The following LDB2 variants were observed in gnomAD, a reference collection of about 807,000 sequenced individuals.
LDB2 encodes the protein LIM domain-binding protein 2.
LDB2 carries 12 observed loss-of-function variants against 44.3 expected under a neutral mutation model. The observed-to-expected ratio is 0.27, with a 90% CI of 0.17 to 0.44. The LOEUF (loss-of-function observed/expected upper bound fraction) is 0.44, where lower values mean the gene tolerates loss of function less well. Among genes scored for constraint, LDB2 ranks in the 20% least tolerant of loss-of-function variants. The pLI is 1.00. For synonymous variants in LDB2, 164 were observed against 174.8 expected, an observed-to-expected ratio of 0.94 and a Z score of 0.49; for missense variants, 344 against 473.5, an observed-to-expected ratio of 0.73 and a Z score of 2.54.
At chr4:16,676,406 T>G (rs1248865053) in intron 2 of LDB2, among the ~76,000 whole-genome samples, 1 of 152,216 alleles carries the variant, frequency 6.6e-6, no homozygotes, top group Non-Finnish European at 1.5e-5. Context: ...CTGTGAAGGC[T>G]CTGAGGTATC....
intron 5 of LDB2, among the ~76,000 whole-genome samples, chr4:16,569,817 G>C (rs2152396659): frequency 6.6e-6 from 1 of 152,282 alleles, no homozygotes; most frequent in South Asian, 2.1e-4. Flanking sequence ...AAAGGGCTTA[G>C]AAGCCATGTT....
intron 2 of LDB2, among the ~76,000 whole-genome samples, chr4:16,731,478 A>T (rs137946489): frequency 4.5e-4 from 69 of 152,294 alleles, no homozygotes; most frequent in Middle Eastern, 6.8e-3. Flanking sequence ...AGGGACCCAG[A>T]CAGCATGCAC....
chr4:16,821,871 G>A (rs548671905), intron 1 of LDB2, among the ~76,000 whole-genome samples: 1 of 150,550 alleles, frequency 6.6e-6, no homozygotes, highest in Non-Finnish European at 1.5e-5. Context: ...AATAATGAAC[G>A]TGAGAGCTGG....
At chr4:16,586,721 T>C (rs1717116554) in intron 4 of LDB2, among the ~76,000 whole-genome samples, 1 of 152,162 alleles carries the variant, frequency 6.6e-6, no homozygotes, top group Non-Finnish European at 1.5e-5. Context: ...ACACCAAATG[T>C]TCTGTTTGGC....
At chr4:16,686,032 A>T (rs539844095) in intron 2 of LDB2, among the ~76,000 whole-genome samples, 5 of 152,298 alleles carry the variant, frequency 3.3e-5, no homozygotes, top group African/African-American at 1.2e-4. Flanking sequence ...AGCATGGGTG[A>T]CAGAGAGAGA....
chr4:16,646,544 C>T (rs566241578), intron 2 of LDB2, among the ~76,000 whole-genome samples: 37 of 152,284 alleles, frequency 2.4e-4, no homozygotes, highest in African/African-American at 8.4e-4. Flanking sequence ...GCACATCTGC[C>T]ATAAGAAGAA....
chr4:16,811,056 G>A (rs1275275350), intron 1 of LDB2, among the ~76,000 whole-genome samples: 1 of 152,178 alleles, frequency 6.6e-6, no homozygotes, highest in Non-Finnish European at 1.5e-5. Flanking sequence ...CCTTGCATGT[G>A]CAGTCCATAA....
intron 1 of LDB2, among the ~76,000 whole-genome samples, chr4:16,778,742 A>T (rs2109428322): frequency 1.3e-5 from 2 of 152,324 alleles, no homozygotes; most frequent in African/African-American, 4.8e-5. Context: ...CATCACAATT[A>T]TTTAAGGGTA....
intron 5 of LDB2, among the ~76,000 whole-genome samples, chr4:16,538,723 A>G (rs568771971): frequency 5.0e-4 from 76 of 152,326 alleles, no homozygotes; most frequent in Non-Finnish European, 9.7e-4. Flanking sequence ...GACTGAGTCA[A>G]TTGATCAGTC....
At chr4:16,676,239 G>A (rs1225715075) in intron 2 of LDB2, among the ~76,000 whole-genome samples, 1 of 152,184 alleles carries the variant, frequency 6.6e-6, no homozygotes, top group East Asian at 1.9e-4. Context: ...AGCCCACTTT[G>A]TCCTGGAGTA....
At chr4:16,575,460 T>C (rs186291200) in intron 5 of LDB2, among the ~76,000 whole-genome samples, 22 of 152,332 alleles carry the variant, frequency 1.4e-4, no homozygotes, top group African/African-American at 4.8e-4. Flanking sequence ...ATGGACCTAA[T>C]AGATATTTAC....
intron 2 of LDB2, among the ~76,000 whole-genome samples, chr4:16,716,807 G>A (rs1051821842): frequency 2.6e-5 from 4 of 151,930 alleles, no homozygotes; most frequent in African/African-American, 9.7e-5. Flanking sequence ...CATGGCACTT[G>A]TCCCATTATA....
chr4:16,779,339 A>G (rs1264472176), intron 1 of LDB2, among the ~76,000 whole-genome samples: 1 of 152,212 alleles, frequency 6.6e-6, no homozygotes, highest in Non-Finnish European at 1.5e-5. Flanking sequence ...AATGTCATCT[A>G]AAACCTTTTA....
intron 2 of LDB2, among the ~76,000 whole-genome samples, chr4:16,676,127 C>T (rs921946171): frequency 3.3e-5 from 5 of 152,158 alleles, no homozygotes; most frequent in African/African-American, 4.8e-5. Context: ...AATTTCCCAC[C>T]GCAGGGCGTG....
At chr4:16,583,673 G>T (rs114952206) in intron 5 of LDB2, among the ~76,000 whole-genome samples, 1 of 152,160 alleles carries the variant, frequency 6.6e-6, no homozygotes, top group South Asian at 2.1e-4. Flanking sequence ...ATAACCACAC[G>T]GAAGCCCATG....
chr4:16,606,190 A>C (rs1232091241), intron 2 of LDB2, among the ~76,000 whole-genome samples: 7 of 152,140 alleles, frequency 4.6e-5, no homozygotes, highest in Admixed American at 3.3e-4. Context: ...TTCTTTTATT[A>C]GTCAATAATA....
chr4:16,887,232 AAAGAAAAAGAAT>A (rs1004445251), intron 1 of LDB2, among the ~76,000 whole-genome samples: 3 of 151,594 alleles, frequency 2.0e-5, no homozygotes, highest in Non-Finnish European at 4.4e-5. Flanking sequence ...AAAAAAAAAA[AAAGAAAAAGAAT>A]AAAAAGAAAC....
intron 2 of LDB2, among the ~76,000 whole-genome samples, chr4:16,643,856 C>A (rs575654032): frequency 6.6e-6 from 1 of 152,166 alleles, no homozygotes; most frequent in South Asian, 2.1e-4. Flanking sequence ...TATTTGCTGG[C>A]TTTTTTCTTA....
At chr4:16,707,873 T>A (rs953629746) in intron 2 of LDB2, among the ~76,000 whole-genome samples, 3 of 152,212 alleles carry the variant, frequency 2.0e-5, no homozygotes, top group Admixed American at 1.3e-4. Context: ...CATTATACAC[T>A]GACCTTTTAC....
Sources: gnomAD v4.1 joint callset for allele counts (sites outside exome capture counted in the v4.1 genomes callset) on GRCh38, gnomAD v4.1.1 for gene constraint, MANE v1.5 for transcripts, NCBI Gene and HGNC (gene_info 2026-07-23, HGNC 2026-07-21) for gene names.